VAMP7: variants seen among roughly 807,000 people sequenced by gnomAD.
VAMP7 encodes the protein vesicle-associated membrane protein 7.
In VAMP7, 14 loss-of-function variants were observed where a neutral mutation model predicts 29.6. The ratio of observed to expected loss-of-function variants is 0.47; its 90% CI spans 0.31 to 0.74. The LOEUF (loss-of-function observed/expected upper bound fraction) is 0.74. Ranked by LOEUF, VAMP7 falls within the 30% of genes least tolerant of loss-of-function variation. The pLI, the probability that VAMP7 is intolerant of heterozygous loss-of-function variation, is 0.05. For missense variants in VAMP7, 223 were observed against 262.4 expected (o/e 0.85, Z 1.04); for synonymous variants, 95 against 88.1 (o/e 1.08, Z -0.44).
chrX:155,939,660 A>T (rs759010651), intron 6 of VAMP7, 41 bp from the exon 7 acceptor site: 31 of 1,376,642 alleles, frequency 2.3e-5, no homozygotes, highest in Non-Finnish European at 3.1e-5. Context: ...TCATTCATGT[A>T]GTCAGTGCCA....
chrX:155,921,638 C>T (rs1387844949), intron 6 of VAMP7, among the ~76,000 whole-genome samples: 1 of 151,914 alleles, frequency 6.6e-6, no homozygotes, highest in Non-Finnish European at 1.5e-5. Flanking sequence ...GGCTTTATTT[C>T]TGGATTCTCT....
intron 6 of VAMP7, among the ~76,000 whole-genome samples, chrX:155,929,529 C>T (rs186521245): frequency 6.6e-6 from 1 of 152,276 alleles, no homozygotes; most frequent in East Asian, 1.9e-4. Context: ...ATATACCTCA[C>T]ATAGCTCAGG....
At chrX:155,890,851 G>A (rs1478552128) in intron 2 of VAMP7, among the ~76,000 whole-genome samples, 2 of 152,036 alleles carry the variant, frequency 1.3e-5, no homozygotes, top group African/African-American at 4.8e-5. Context: ...TACTTTCTAT[G>A]GCTAACCCCT....
chrX:155,908,741 C>G (rs2066189739), intron 5 of VAMP7, among the ~76,000 whole-genome samples: 1 of 152,082 alleles, frequency 6.6e-6, no homozygotes, highest in South Asian at 2.1e-4. Flanking sequence ...GTAGAATTCA[C>G]CTTTGAAGCC....
chrX:155,898,127 C>A lies in VAMP7; in HGVS notation c.220C>A (p.Arg74=), dbSNP rs756855221. The stretch of plus-strand genomic sequence containing the variant: ...CTCTTTTCAGGATTTTGAACGTTCC[C>A]GAGCCTTTAATTTTCTGAATGAGAT... The part of the protein sequence containing the change: ...CITDDDFERS[R]AFNFLNEIKK... Residue 74 remains arginine (R), a synonymous_variant, in exon 4 of 8, where the codon CGA becomes AGA. Transcript: ENST00000286448. 1 of 1,611,220 alleles carries A rather than the reference C, an allele frequency of 6.2e-7. No homozygotes were observed.
Position 155,906,381 on chromosome X carries a change from T to TG in VAMP7, c.433+5796dup, listed in dbSNP as rs954955732. ...CCTCTGACCCCCTCACTCTGTTCAT[T>TG]GGCCACAAATCCCCACTGGTCTTGG... On this transcript the variant is annotated intron_variant, in intron 5 of 7. Coordinates refer to ENST00000286448, the MANE Select transcript of VAMP7 (RefSeq NM_005638.6). 8.8e-4 allele frequency among the ~76,000 whole-genome samples: 134 copies of TG among 152,242 alleles called. 2 individuals are homozygous for TG. In the Middle Eastern group the frequency reaches 0.014, roughly 15 times the overall value.
At chrX:155,899,880 C>G (rs1276657683) in intron 4 of VAMP7, among the ~76,000 whole-genome samples, 1 of 152,016 alleles carries the variant, frequency 6.6e-6, no homozygotes, top group Non-Finnish European at 1.5e-5. Context: ...TAAATAATAT[C>G]CCGTTTGAAG....
intron 5 of VAMP7, among the ~76,000 whole-genome samples, chrX:155,909,417 A>G (rs2066201575): frequency 6.6e-6 from 1 of 152,142 alleles, no homozygotes; most frequent in Admixed American, 6.5e-5. Context: ...TGATCTTTCT[A>G]AAGAACCAAC....
intron 4 of VAMP7, among the ~76,000 whole-genome samples, chrX:155,898,961 T>A (rs1365547952): frequency 1.3e-5 from 2 of 152,108 alleles, no homozygotes; most frequent in Admixed American, 1.3e-4. Flanking sequence ...TCTTCCATGT[T>A]GTATAAATCA....
intron 1 of VAMP7, among the ~76,000 whole-genome samples, chrX:155,885,568 A>G (rs1036442486): frequency 3.9e-5 from 6 of 152,166 alleles, no homozygotes; most frequent in African/African-American, 1.4e-4. Context: ...TAGAAATAGG[A>G]TCTTTGCAGA....
At chrX:155,900,610 A>G (rs765917901) in intron 5 of VAMP7, 23 bp downstream of exon 5, 30 of 1,578,314 alleles carry the variant, frequency 1.9e-5, no homozygotes, top group Middle Eastern at 1.7e-4. Context: ...GCATAGTTTC[A>G]TGCATGTGGG....
At position 155,941,979 on chromosome X, in the gene VAMP7, A is replaced by T. The variant is rs1431674460; in HGVS notation, c.*28A>T. On this transcript the variant is annotated 3_prime_UTR_variant, in exon 8 of 8. Coordinates refer to ENST00000286448, the MANE Select transcript of VAMP7 (RefSeq NM_005638.6). ...AAGAAGAAGTTACCATTAACCAAGG[A>T]TATGAGAGAACAAGGAGTTAAAAGC... The T allele has an allele frequency of 1.9e-6, 3 of 1,613,688 alleles. No individual in the cohort carries two copies. The highest frequency in any genetic ancestry group is 2.7e-5 in the African/African-American group (2 of 74,930).
At chrX:155,936,031 A>C (rs2066648457) in intron 6 of VAMP7, among the ~76,000 whole-genome samples, 1 of 151,692 alleles carries the variant, frequency 6.6e-6, no homozygotes, top group African/African-American at 2.4e-5. Flanking sequence ...GCTGAACACC[A>C]AATGTTGCTC....
intron 5 of VAMP7, among the ~76,000 whole-genome samples, chrX:155,908,113 G>A (rs1259660990): frequency 3.3e-5 from 5 of 152,240 alleles, no homozygotes; most frequent in Admixed American, 2.6e-4. Context: ...CATCCCAGAC[G>A]ATGGGTGCCC....
At chrX:155,903,411 AACAG>A (rs2066097907) in intron 5 of VAMP7, among the ~76,000 whole-genome samples, 1 of 152,208 alleles carries the variant, frequency 6.6e-6, no homozygotes, top group Non-Finnish European at 1.5e-5. Flanking sequence ...TATCAGAGTG[AACAG>A]ACAACCTACA....
At chrX:155,920,017 C>G in intron 6 of VAMP7, 137 bp downstream of exon 6, 1 of 703,866 alleles carries the variant, frequency 1.4e-6, no homozygotes, top group Non-Finnish European at 2.4e-6. Flanking sequence ...TATGTGATTA[C>G]TTTGTAATAA....
chrX:155,915,934 C>G (rs1465551383), intron 5 of VAMP7, among the ~76,000 whole-genome samples: 1 of 151,986 alleles, frequency 6.6e-6, no homozygotes, highest in Non-Finnish European at 1.5e-5. Flanking sequence ...TATTCTGTCT[C>G]AATCTAATAT....
rs1410018406 is a variant in VAMP7, at chrX:155,942,159, A to G, written c.*208A>G. The G allele has an allele frequency of 5.8e-6, 9 of 1,548,750 alleles. No individual in the cohort carries two copies. Among genetic ancestry groups the G allele is most frequent in the Non-Finnish European group, 7.9e-6 (9 of 1,145,036 alleles). ...CTGTGAACTTCAGATTGAACCATTC[A>G]TTGCAGCAGTAGCCTTAAAAAGGCT... On this transcript the variant is annotated 3_prime_UTR_variant, in exon 8 of 8. Transcript: ENST00000286448.
chrX:155,901,290 T>C (rs1037629930), intron 5 of VAMP7, among the ~76,000 whole-genome samples: 12 of 152,068 alleles, frequency 7.9e-5, no homozygotes, highest in Non-Finnish European at 1.8e-4. Context: ...TTTAATTGAT[T>C]TTAGTTTTAA....
Sources: allele counts gnomAD v4.1 joint callset (sites outside exome capture counted in the v4.1 genomes callset), GRCh38; gene constraint gnomAD v4.1.1; transcripts MANE v1.5; gene names NCBI Gene and HGNC (gene_info 2026-07-23, HGNC 2026-07-21).